The following THAP6 variants were observed in gnomAD, a reference collection of about 807,000 sequenced individuals.
THAP6 encodes THAP domain-containing protein 6.
THAP6 carries 13 observed loss-of-function variants against 20.0 expected under a neutral mutation model. The ratio of observed to expected loss-of-function variants is 0.65; its 90% CI spans 0.42 to 1.03. The LOEUF is 1.03. THAP6 is among the 50% of genes least tolerant of loss of function. THAP6 has a pLI of 0.00. For synonymous variants in THAP6, 93 were observed against 92.2 expected (o/e 1.01, Z -0.05); for missense variants, 262 against 261.6 (o/e 1.00, Z -0.01).
At chr4:75,537,680 G>A (rs1032621046) in intron 2 of THAP6, among the ~76,000 whole-genome samples, 1 of 152,190 alleles carries the variant, frequency 6.6e-6, no homozygotes, top group Admixed American at 6.5e-5. Context: ...GTGAAAGAGA[G>A]CTTGCAGATT....
At chr4:75,533,591 T>C (rs1289306014), downstream of THAP6, among the ~76,000 whole-genome samples, 1 of 152,146 alleles carries the variant, frequency 6.6e-6, no homozygotes, top group East Asian at 1.9e-4. Context: ...TACCCGAGAC[T>C]GGGCAATTTA....
chr4:75,528,023 C>A lies in THAP6; in HGVS notation c.*809C>A. On this transcript the variant is annotated 3_prime_UTR_variant, in exon 5 of 5. Coordinates refer to ENST00000311638, the MANE Select transcript of THAP6 (RefSeq NM_144721.6). ...TCTGAATGGCAGTACTAGCTCTATA[C>A]TTTTAATACTGCTTTGTATTTTATA... The A allele has an allele frequency of 1.0e-6, 1 of 985,130 alleles. No individual in the cohort carries two copies. Among genetic ancestry groups the A allele is most frequent in the Non-Finnish European group, 1.2e-6 (1 of 829,678 alleles). 61.0% of individuals were successfully genotyped at this position (985,130 alleles called of 1,614,324 possible).
chr4:75,524,195 T>C (rs1726222088), intron 4 of THAP6, among the ~76,000 whole-genome samples: 1 of 152,344 alleles, frequency 6.6e-6, no homozygotes, highest in Admixed American at 6.5e-5. Flanking sequence ...CTCCCCTTTA[T>C]GTACAAAAAT....
intron 2 of THAP6, among the ~76,000 whole-genome samples, chr4:75,538,390 A>G (rs1264645189): frequency 6.6e-6 from 1 of 152,164 alleles, no homozygotes; most frequent in African/African-American, 2.4e-5. Context: ...TTGTGAAAAA[A>G]AAAAAAAACA....
intron 2 of THAP6, chr4:75,542,349 C>G (rs1727027407): frequency 1.7e-5 from 12 of 690,112 alleles, no homozygotes; most frequent in South Asian, 1.7e-4. Context: ...ATTGCATGCT[C>G]TAATAGAGCT....
Position 75,528,076 on chromosome 4 carries a change from AAAAATAC to A in THAP6, c.*874_*880del, listed in dbSNP as rs1322534515. ...TAAAGTAGTATTGCTGACATTTTAA[AAAAATAC>A]AAAATACAAAAGAAACCATTAGAAA... On this transcript the variant is annotated 3_prime_UTR_variant, in exon 5 of 5. Transcript: ENST00000311638. 1.1e-5 allele frequency: 11 copies of A among 984,466 alleles called. No homozygotes were observed. Among genetic ancestry groups the A allele is most frequent in the Admixed American group, 1.2e-4 (2 of 16,270 alleles). 61.0% of individuals were successfully genotyped at this position (984,466 alleles called of 1,614,324 possible). A position where few individuals can be genotyped will look rare whatever the true frequency, so the allele number is the denominator to read the frequency against.
At chr4:75,524,070 G>A (rs539270169) in intron 4 of THAP6, among the ~76,000 whole-genome samples, 12 of 152,076 alleles carry the variant, frequency 7.9e-5, no homozygotes, top group African/African-American at 2.4e-4. Context: ...AAGTGAGTTC[G>A]CTGTAGGTGT....
rs551084202 is a variant in THAP6, at chr4:75,540,415, G to A, written c.166-1994G>A. Among the ~76,000 whole-genome samples the A allele has an allele frequency of 2.0e-4, 30 of 152,306 alleles. No homozygotes were observed. In the South Asian group the frequency reaches 5.2e-3, roughly 26 times the overall value. ...CTACTTTGTGTAGCAGTGTCTCAGAGCATCAAGTCACTTACTAAACAGATA... is the reference window on the plus strand; with the variant it reads ...CTACTTTGTGTAGCAGTGTCTCAGAACATCAAGTCACTTACTAAACAGATA... On this transcript the variant is annotated intron_variant, in intron 2 of 4. Coordinates refer to the THAP6 transcript ENST00000502620.
chr4:75,536,898 C>G (rs1726873114), intron 2 of THAP6, among the ~76,000 whole-genome samples: 1 of 152,094 alleles, frequency 6.6e-6, no homozygotes, highest in Non-Finnish European at 1.5e-5. Context: ...TGTGATAACA[C>G]TAATCAAAAG....
At chr4:75,521,072 A>G (rs1043912480) in intron 3 of THAP6, among the ~76,000 whole-genome samples, 1 of 150,834 alleles carries the variant, frequency 6.6e-6, no homozygotes, top group African/African-American at 2.4e-5. Flanking sequence ...CCTTTCTCCC[A>G]CATTCCTTCC....
downstream of THAP6, among the ~76,000 whole-genome samples, chr4:75,532,170 G>A (rs1726700518): frequency 6.6e-6 from 1 of 152,144 alleles, no homozygotes; most frequent in South Asian, 2.1e-4. Context: ...TTACTTCCTA[G>A]ATACAATGAG....
intron 3 of THAP6, among the ~76,000 whole-genome samples, chr4:75,546,410 C>T (rs1009981240): frequency 6.6e-6 from 1 of 152,232 alleles, no homozygotes; most frequent in Non-Finnish European, 1.5e-5. Context: ...CATCTCCAGT[C>T]AAGGAGCACT....
intron 3 of THAP6, among the ~76,000 whole-genome samples, chr4:75,546,598 G>A (rs1727131747): frequency 6.6e-6 from 1 of 152,194 alleles, no homozygotes; most frequent in East Asian, 1.9e-4. Context: ...AATAGGGTGA[G>A]TATATGGAGA....
chr4:75,521,829 T>A lies in THAP6; in HGVS notation c.382T>A (p.Cys128Ser). 6.2e-7 allele frequency: 1 copy of A among 1,613,546 alleles called. No individual in the cohort carries two copies. The highest frequency in any genetic ancestry group is 8.5e-7 in the Non-Finnish European group (1 of 1,179,634). Residue 128 changes from cysteine (C) to serine (S), a missense_variant, in exon 4 of 5, where the codon TGT (cysteine) becomes AGT (serine). Physicochemically the swap from Cys to Ser is moderately radical, Grantham distance 112. Transcript: ENST00000311638. ...YNHHLVGASSCIEEFQSQFIF... is the reference protein window; with the variant it reads ...YNHHLVGASSSIEEFQSQFIF... ...TCACCATCTTGTTGGTGCTTCCTCATGTATTGAAGAATTCCAATCCCAGTT... is the reference window on the plus strand; with the variant it reads ...TCACCATCTTGTTGGTGCTTCCTCAAGTATTGAAGAATTCCAATCCCAGTT...
In THAP6 at chr4:75,527,156, T is replaced by A. The variant is rs1726430740; in HGVS notation, c.611T>A (p.Leu204Gln). Residue 204 changes from leucine to glutamine, a missense_variant, in exon 5 of 5, where the codon CTG becomes CAG. Transcript: ENST00000311638. ...ATCAGCCAAGAAACAGCAAATAGAC[T>A]GGACACTTTCTGTTGGGACTGTTGT... ...CLISQETANRLDTFCWDCCQE... is the reference protein window; with the variant it reads ...CLISQETANRQDTFCWDCCQE... 6.2e-7 allele frequency: 1 copy of A among 1,614,128 alleles called. No individual in the cohort carries two copies.
chr4:75,519,951 T>TC (rs1421882426), intron 3 of THAP6, among the ~76,000 whole-genome samples: 2 of 151,950 alleles, frequency 1.3e-5, no homozygotes, highest in Non-Finnish European at 2.9e-5. Flanking sequence ...ACCAACAGTG[T>TC]CAAAGTGTTC....
Position 75,528,626 on chromosome 4 carries a change from T to C in THAP6, c.*1412T>C, listed in dbSNP as rs759830906. 5 of 984,942 alleles carry C rather than the reference T, an allele frequency of 5.1e-6. No homozygotes were observed. The highest frequency in any genetic ancestry group is 6.0e-6 in the Non-Finnish European group (5 of 829,628). The allele number at this position is 984,942 out of a possible 1,614,324, so 61.0% of individuals were successfully genotyped here. On this transcript the variant is annotated 3_prime_UTR_variant, in exon 5 of 5. Coordinates refer to ENST00000311638, the MANE Select transcript of THAP6 (RefSeq NM_144721.6). ...TTCTGTTTTAATGCATGTTATACTTTTATGTAGGATTCCAAACCTTCCCTC... is the reference window on the plus strand; with the variant it reads ...TTCTGTTTTAATGCATGTTATACTTCTATGTAGGATTCCAAACCTTCCCTC...
In THAP6 at chr4:75,522,007, A is replaced by AATT; in HGVS notation, c.414+147_414+149dup. On this transcript the variant is annotated intron_variant, in intron 4 of 4. Coordinates refer to ENST00000311638, the MANE Select transcript of THAP6 (RefSeq NM_144721.6). Reference sequence around the variant, plus strand: ...TAATATTGCTTCCTAGAGTCATTGTAATTTATATATATGCAACAGCAAAAT... The same window carrying AATT: ...TAATATTGCTTCCTAGAGTCATTGTAATTATTTATATATATGCAACAGCAAAAT... 6 of 952,964 alleles carry AATT rather than the reference A, an allele frequency of 6.3e-6. No individual in the cohort carries two copies. In the South Asian group the frequency reaches 1.3e-4, roughly 21 times the overall value. 59.0% of individuals were successfully genotyped at this position (952,964 alleles called of 1,614,324 possible). A position where few individuals can be genotyped will look rare whatever the true frequency, so the allele number is the denominator to read the frequency against.
At chr4:75,546,782 T>A (rs1727136327) in intron 3 of THAP6, among the ~76,000 whole-genome samples, 1 of 152,116 alleles carries the variant, frequency 6.6e-6, no homozygotes, top group Admixed American at 6.5e-5. Flanking sequence ...AGTCTTTGAT[T>A]CCATTCCAGC....
Sources: allele counts gnomAD v4.1 joint callset (sites outside exome capture counted in the v4.1 genomes callset), GRCh38; gene constraint gnomAD v4.1.1; transcripts MANE v1.5; gene names NCBI Gene and HGNC (gene_info 2026-07-23, HGNC 2026-07-21).